MAGI1: variants seen among roughly 807,000 people sequenced by gnomAD.
The protein encoded by MAGI1 is membrane associated guanylate kinase, WW and PDZ domain containing 1.
A neutral mutation model predicts 139.9 loss-of-function variants in MAGI1; 58 were observed. The ratio of observed to expected loss-of-function variants is 0.41; its 90% confidence interval spans 0.34 to 0.52. The LOEUF is 0.52. Among genes scored for constraint, MAGI1 ranks in the 20% least tolerant of loss-of-function variants. MAGI1 has a pLI of 0.12. For missense variants in MAGI1, 1,874 were observed against 1,901.6 expected (o/e 0.99, Z 0.27); for synonymous variants, 812 against 737.9 (o/e 1.10, Z -1.63).
intron 1 of MAGI1, among the ~76,000 whole-genome samples, chr3:65,976,784 C>T (rs1237818354): frequency 6.6e-6 from 1 of 152,218 alleles, no homozygotes; most frequent in Admixed American, 6.5e-5. Context: ...GCTTAAGGCA[C>T]AGGTAAACCA....
intron 2 of MAGI1, among the ~76,000 whole-genome samples, chr3:65,537,173 C>T (rs1301439083): frequency 6.6e-6 from 1 of 152,154 alleles, no homozygotes; most frequent in East Asian, 1.9e-4. Flanking sequence ...TCTAAATGCA[C>T]TCCACTATAC....
At chr3:65,960,232 C>G (rs757309092) in intron 1 of MAGI1, among the ~76,000 whole-genome samples, 3 of 152,152 alleles carry the variant, frequency 2.0e-5, no homozygotes, top group Non-Finnish European at 2.9e-5. Flanking sequence ...TTTAGCCAGT[C>G]AAACTGATTT....
chr3:65,853,131 C>T (rs1190078870), intron 1 of MAGI1, among the ~76,000 whole-genome samples: 1 of 151,794 alleles, frequency 6.6e-6, no homozygotes, highest in African/African-American at 2.4e-5. Flanking sequence ...TGTGCCACTG[C>T]ACTCCAGCCA....
rs554602952 is a variant in MAGI1 at position 65,808,300 on chromosome 3, T to C, written c.314-186212A>G. Reference sequence around the variant, plus strand: ...GCGCCCAGCTGAGGTCAGGACTTCTTGACCACCCTTGTCAACATGGTGAAA... The same window carrying C: ...GCGCCCAGCTGAGGTCAGGACTTCTCGACCACCCTTGTCAACATGGTGAAA... On this transcript the variant is annotated intron_variant, in intron 1 of 22. Transcript: ENST00000402939. Among the ~76,000 whole-genome samples the C allele has an allele frequency of 4.3e-3, 658 of 152,150 alleles. 4 individuals carry two copies. Among genetic ancestry groups the C allele is most frequent in the Non-Finnish European group, 7.7e-3 (522 of 67,990 alleles).
chr3:66,021,359 A>T (rs1464776639), intron 1 of MAGI1, among the ~76,000 whole-genome samples: 1 of 152,196 alleles, frequency 6.6e-6, no homozygotes, highest in Non-Finnish European at 1.5e-5. Context: ...ACAGAGGAAA[A>T]GGTCCCTCTA....
At position 65,439,961 on chromosome 3, in the gene MAGI1, C is replaced by T. The variant is rs768041548; in HGVS notation, c.1188G>A (p.Arg396=). ...QYENPVLEAK[R]KKQLEQQQQQ... Reference sequence around the variant, plus strand: ...GCTGCTGCTGCTCAAGCTGCTTCTTCCGTTTGGCTTCTAGAACCGGGTTCT... The same window carrying T: ...GCTGCTGCTGCTCAAGCTGCTTCTTTCGTTTGGCTTCTAGAACCGGGTTCT... Residue 396 remains arginine (R), a synonymous_variant, in exon 9 of 23, where the codon CGG becomes CGA. Transcript: ENST00000402939. 57 of 1,613,946 alleles carry T rather than the reference C, an allele frequency of 3.5e-5. No individual in the cohort carries two copies. Among genetic ancestry groups the T allele is most frequent in the Non-Finnish European group, 4.0e-5 (47 of 1,180,016 alleles).
chr3:65,431,654 A>G (rs1947463744), intron 10 of MAGI1, among the ~76,000 whole-genome samples: 1 of 152,160 alleles, frequency 6.6e-6, no homozygotes, highest in Non-Finnish European at 1.5e-5. Context: ...GTAGTTACTA[A>G]CAGTAGCCAC....
intron 1 of MAGI1, among the ~76,000 whole-genome samples, chr3:66,011,239 A>C (rs1314620655): frequency 3.3e-5 from 5 of 152,208 alleles, no homozygotes; most frequent in Non-Finnish European, 7.3e-5. Flanking sequence ...AAATGCGCCA[A>C]AGGGAAAATG....
intron 1 of MAGI1, among the ~76,000 whole-genome samples, chr3:65,947,292 T>C (rs1322853811): frequency 1.3e-5 from 2 of 152,152 alleles, no homozygotes; most frequent in African/African-American, 4.8e-5. Context: ...TATGGTTTTA[T>C]CTATAGTAAT....
chr3:65,470,523 G>GAAAA, intron 4 of MAGI1, 39 bp from the exon 5 acceptor site: 8 of 933,274 alleles, frequency 8.6e-6, no homozygotes, highest in Admixed American at 2.5e-5. Context: ...GAGAGAGAGA[G>GAAAA]AAAAAAAAAA....
intron 1 of MAGI1, among the ~76,000 whole-genome samples, chr3:65,951,716 C>T (rs960792514): frequency 1.3e-5 from 2 of 152,272 alleles, no homozygotes; most frequent in South Asian, 2.1e-4. Context: ...CTAGAGATTC[C>T]AATCAGCTTA....
intron 1 of MAGI1, among the ~76,000 whole-genome samples, chr3:65,843,368 A>C (rs970086628): frequency 6.6e-6 from 1 of 152,150 alleles, no homozygotes; most frequent in African/African-American, 2.4e-5. Context: ...CTGCAGCCCA[A>C]CTGACAGTCT....
chr3:65,560,999 T>C (rs1375575494), intron 2 of MAGI1, among the ~76,000 whole-genome samples: 1 of 152,204 alleles, frequency 6.6e-6, no homozygotes, highest in Admixed American at 6.5e-5. Context: ...ACTATCAGTA[T>C]GGCAGATATA....
In MAGI1 at chr3:65,530,854, C is replaced by CATAT. The variant is rs1553662044; in HGVS notation, c.431-37227_431-37224dup. Among the ~76,000 whole-genome samples the CATAT allele has an allele frequency of 6.2e-4, 67 of 108,166 alleles. 4 individuals carry two copies. Among genetic ancestry groups the CATAT allele is most frequent in the South Asian group, 3.0e-3 (10 of 3,334 alleles). The allele number at this position is 108,166 out of a possible 152,430, so 71.0% of individuals were successfully genotyped here. ...ATATATATATACACACACACACACA[C>CATAT]ATATATATATATATGGAGAGAGAGA... is the stretch of plus-strand genomic sequence containing the variant. On this transcript the variant is annotated intron_variant, in intron 2 of 22. Coordinates refer to ENST00000402939, the MANE Select transcript of MAGI1 (RefSeq NM_001033057.2).
intron 1 of MAGI1, among the ~76,000 whole-genome samples, chr3:65,996,265 G>C (rs1245766697): frequency 6.6e-6 from 1 of 152,034 alleles, no homozygotes; most frequent in African/African-American, 2.4e-5. Flanking sequence ...TGTATTTCAA[G>C]GTCTTCACCT....
intron 1 of MAGI1, among the ~76,000 whole-genome samples, chr3:65,662,279 A>T (rs1183502244): frequency 2.0e-5 from 3 of 152,264 alleles, no homozygotes; most frequent in African/African-American, 4.8e-5. Flanking sequence ...TATGACATTC[A>T]AATGAGCAGC....
At chr3:65,518,678 T>A (rs1290168042) in intron 2 of MAGI1, among the ~76,000 whole-genome samples, 5 of 152,060 alleles carry the variant, frequency 3.3e-5, no homozygotes, top group Non-Finnish European at 7.3e-5. Flanking sequence ...CATGAAAAAT[T>A]AAAACCTGTG....
chr3:65,365,591 G>T (rs1034441266), intron 18 of MAGI1, among the ~76,000 whole-genome samples: 3 of 152,170 alleles, frequency 2.0e-5, no homozygotes, highest in African/African-American at 7.2e-5. Context: ...TTAAGACCAA[G>T]GCAAGTAGCA....
chr3:65,565,944 TTTACAGGCAGA>T, intron 2 of MAGI1, among the ~76,000 whole-genome samples: 1 of 151,406 alleles, frequency 6.6e-6, no homozygotes, highest in Non-Finnish European at 1.5e-5. Flanking sequence ...AACAGTAATA[TTTACAGGCAGA>T]GAAAAACGTC....
Sources: allele counts gnomAD v4.1 joint callset (sites outside exome capture counted in the v4.1 genomes callset), GRCh38; gene constraint gnomAD v4.1.1; transcripts MANE v1.5; gene names NCBI Gene and HGNC (gene_info 2026-07-23, HGNC 2026-07-21).